Variants in DSCAM observed in about 807,000 individuals in gnomAD.
DSCAM encodes cell adhesion molecule DSCAM.
A neutral mutation model predicts 217.7 loss-of-function variants in DSCAM; 47 were observed. That is an observed-to-expected ratio of 0.22 (90% CI 0.17 to 0.28). DSCAM has a LOEUF of 0.28. Among genes scored for constraint, DSCAM ranks in the 10% least tolerant of loss-of-function variants. The pLI is 1.00. For synonymous variants in DSCAM, 1,056 were observed against 1,015.3 expected (o/e 1.04, Z -0.76); for missense variants, 2,080 against 2,618.3 (o/e 0.79, Z 4.49).
chr21:40,573,323 G>A (rs983017345), intron 3 of DSCAM, among the ~76,000 whole-genome samples: 1 of 152,060 alleles, frequency 6.6e-6, no homozygotes, highest in African/African-American at 2.4e-5. Flanking sequence ...GGGCGACAGA[G>A]CAAGACTCTG....
At chr21:40,625,417 T>C (rs2089587179) in intron 3 of DSCAM, among the ~76,000 whole-genome samples, 1 of 152,162 alleles carries the variant, frequency 6.6e-6, no homozygotes, top group African/African-American at 2.4e-5. Context: ...AGGCCCACCA[T>C]CCTGTGTCTA....
intron 16 of DSCAM, among the ~76,000 whole-genome samples, chr21:40,156,341 A>AGAGAGAGAGAGAGAC: frequency 1.6e-5 from 1 of 62,038 alleles, no homozygotes; most frequent in Non-Finnish European, 3.8e-5. Context: ...GAGAGAGAGA[A>AGAGAGAGAGAGAGAC]AGGGGCTTGT....
At chr21:40,578,289 G>A (rs1172096317) in intron 3 of DSCAM, among the ~76,000 whole-genome samples, 1 of 152,164 alleles carries the variant, frequency 6.6e-6, no homozygotes, top group African/African-American at 2.4e-5. Context: ...AGGAGGTGAA[G>A]TCAGTTGGGC....
intron 1 of DSCAM, among the ~76,000 whole-genome samples, chr21:40,805,916 G>A (rs749229960): frequency 1.9e-4 from 29 of 151,982 alleles, no homozygotes; most frequent in Non-Finnish European, 1.3e-4. Context: ...CACCATGTTA[G>A]CCAGGATGGT....
intron 16 of DSCAM, among the ~76,000 whole-genome samples, chr21:40,157,587 A>G (rs1293937924): frequency 1.3e-5 from 2 of 152,204 alleles, no homozygotes; most frequent in Admixed American, 1.3e-4. Flanking sequence ...GTAACAATGG[A>G]GCTCCAGTCC....
intron 3 of DSCAM, among the ~76,000 whole-genome samples, chr21:40,625,247 G>C (rs1413963664): frequency 6.6e-6 from 1 of 151,842 alleles, no homozygotes; most frequent in Non-Finnish European, 1.5e-5. Flanking sequence ...GATATACATG[G>C]AGACTAACTG....
chr21:40,748,496 A>G (rs2091196704), intron 1 of DSCAM, among the ~76,000 whole-genome samples: 1 of 152,060 alleles, frequency 6.6e-6, no homozygotes, highest in African/African-American at 2.4e-5. Flanking sequence ...GTTACAAGGT[A>G]TAAATAAAAT....
chr21:40,386,543 G>T (rs550073996), intron 3 of DSCAM, among the ~76,000 whole-genome samples: 2 of 152,222 alleles, frequency 1.3e-5, no homozygotes, highest in African/African-American at 4.8e-5. Flanking sequence ...AGAGCTCCAC[G>T]GCACGCGTGG....
At chr21:40,757,557 G>C (rs1210258342) in intron 1 of DSCAM, among the ~76,000 whole-genome samples, 1 of 152,182 alleles carries the variant, frequency 6.6e-6, no homozygotes, top group African/African-American at 2.4e-5. Context: ...AGTTGGGAAG[G>C]GCATGAGCAT....
chr21:40,021,254 T>G (rs1601234351), intron 32 of DSCAM, among the ~76,000 whole-genome samples: 2 of 136,522 alleles, frequency 1.5e-5, no homozygotes, highest in African/African-American at 5.5e-5. Context: ...CGCAGGTCGG[T>G]AGACAGATAA....
chr21:40,562,740 C>G (rs935334091), intron 3 of DSCAM, among the ~76,000 whole-genome samples: 1 of 152,194 alleles, frequency 6.6e-6, no homozygotes, highest in Non-Finnish European at 1.5e-5. Context: ...AGCCAAAGCC[C>G]TGTATTTCAG....
chr21:40,790,739 C>G (rs1031833796), intron 1 of DSCAM, among the ~76,000 whole-genome samples: 1 of 152,052 alleles, frequency 6.6e-6, no homozygotes, highest in South Asian at 2.1e-4. Flanking sequence ...CTATAGCATA[C>G]AGCACAAAAA....
chr21:40,609,379 C>T (rs146976639), intron 3 of DSCAM, among the ~76,000 whole-genome samples: 1 of 152,290 alleles, frequency 6.6e-6, no homozygotes, highest in Non-Finnish European at 1.5e-5. Context: ...AAAATTGTTG[C>T]CATAAAATTT....
At chr21:40,094,347 T>C (rs1233560726) in intron 20 of DSCAM, among the ~76,000 whole-genome samples, 2 of 152,250 alleles carry the variant, frequency 1.3e-5, no homozygotes, top group Non-Finnish European at 2.9e-5. Context: ...TCTGATAAAA[T>C]AGAGAGCTCC....
At chr21:40,431,028 C>A (rs1197293629) in intron 3 of DSCAM, among the ~76,000 whole-genome samples, 1 of 152,208 alleles carries the variant, frequency 6.6e-6, no homozygotes, top group African/African-American at 2.4e-5. Context: ...AAAAGCAAAG[C>A]AGTCTGAGAA....
intron 3 of DSCAM, among the ~76,000 whole-genome samples, chr21:40,625,718 A>C (rs1358883155): frequency 6.6e-6 from 1 of 152,142 alleles, no homozygotes; most frequent in Non-Finnish European, 1.5e-5. Context: ...TCTCTATTGG[A>C]TCACTGTACT....
chr21:40,656,752 C>G lies in DSCAM; in HGVS notation c.508+36058G>C, dbSNP rs77128469. ...CATACAACATATGGACAAAAATTGTCATGCCTACTCATTTCAGGCCAATGG... is the reference window on the plus strand; with the variant it reads ...CATACAACATATGGACAAAAATTGTGATGCCTACTCATTTCAGGCCAATGG... On this transcript the variant is annotated intron_variant, in intron 3 of 32. Coordinates refer to ENST00000400454, the MANE Select transcript of DSCAM (RefSeq NM_001389.5). 0.016 allele frequency among the ~76,000 whole-genome samples: 2,410 copies of G among 152,254 alleles called. 86 individuals are homozygous for G. The East Asian group carries it at 0.16, about 10-fold the overall frequency.
At chr21:40,398,040 TG>T (rs2075197997) in intron 3 of DSCAM, among the ~76,000 whole-genome samples, 1 of 152,214 alleles carries the variant, frequency 6.6e-6, no homozygotes, top group South Asian at 2.1e-4. Context: ...AGAGTAAGCT[TG>T]TAGTTTAGGA....
At chr21:40,179,261 C>T (rs1259172393) in intron 14 of DSCAM, among the ~76,000 whole-genome samples, 167 bp from the exon 15 acceptor site, 1 of 151,236 alleles carries the variant, frequency 6.6e-6, no homozygotes, top group Admixed American at 6.6e-5. Flanking sequence ...TGCAATGTTC[C>T]CAGCTTTCTG....
Sources: allele counts gnomAD v4.1 joint callset (sites outside exome capture counted in the v4.1 genomes callset), GRCh38; gene constraint gnomAD v4.1.1; transcripts MANE v1.5; gene names NCBI Gene and HGNC (gene_info 2026-07-23, HGNC 2026-07-21).